ST6GAL2: variants seen among roughly 807,000 people sequenced by gnomAD.
ST6GAL2 encodes ST6 beta-galactoside alpha-2,6-sialyltransferase 2.
ST6GAL2 carries 24 observed loss-of-function variants against 37.5 expected under a neutral mutation model. The ratio of observed to expected loss-of-function variants is 0.64; its 90% CI spans 0.46 to 0.90. The LOEUF (loss-of-function observed/expected upper bound fraction) is 0.90. Among genes scored for constraint, ST6GAL2 ranks in the 40% least tolerant of loss-of-function variants. ST6GAL2 has a pLI of 0.00. For synonymous variants in ST6GAL2, 306 were observed against 295.1 expected (o/e 1.04, Z -0.38); for missense variants, 715 against 712.7 (o/e 1.00, Z -0.04).
rs1200552930 is a variant in ST6GAL2 at position 106,802,179 on chromosome 2, T to G, written c.*4499A>C. Reference sequence around the variant, plus strand: ...GAAGCGGTTGGCGGAGGACTGAATTTTTTTTCTTTTAACAGAAGGACATAT... The same window carrying G: ...GAAGCGGTTGGCGGAGGACTGAATTGTTTTTCTTTTAACAGAAGGACATAT... On this transcript the variant is annotated 3_prime_UTR_variant, in exon 6 of 6. Transcript: ENST00000409382. 3.3e-5 allele frequency: 5 copies of G among 152,142 alleles called. No individual in the cohort carries two copies. The highest frequency in any genetic ancestry group is 7.3e-5 in the Non-Finnish European group (5 of 68,032). The allele number at this position is 152,142 out of a possible 1,614,324, so 9.4% of individuals were successfully genotyped here. A position where few individuals can be genotyped will look rare whatever the true frequency, so the allele number is the denominator to read the frequency against.
At chr2:106,886,046 G>A (rs78342971) in intron 1 of ST6GAL2, 47 bp downstream of exon 1, 17,388 of 152,234 alleles carry the variant, frequency 0.11, 1,202 homozygotes, top group African/African-American at 0.15. Flanking sequence ...AGGCTGCAGC[G>A]CCACCAAGAA....
chr2:106,840,711 G>A (rs1676842510), intron 2 of ST6GAL2, among the ~76,000 whole-genome samples: 1 of 152,138 alleles, frequency 6.6e-6, no homozygotes, highest in Admixed American at 6.5e-5. Flanking sequence ...GGACTTCTCA[G>A]CGTCTTTCAC....
chr2:106,822,736 G>A (rs1676050878), intron 5 of ST6GAL2, among the ~76,000 whole-genome samples: 1 of 152,092 alleles, frequency 6.6e-6, no homozygotes, highest in South Asian at 2.1e-4. Context: ...CAAAACTGGG[G>A]AAATCACATG....
chr2:106,820,055 GAAGA>G (rs557321487), intron 5 of ST6GAL2, among the ~76,000 whole-genome samples: 17 of 151,906 alleles, frequency 1.1e-4, no homozygotes, highest in African/African-American at 3.4e-4. Flanking sequence ...AGGAAGGAAA[GAAGA>G]AAGAGGAGAC....
chr2:106,852,877 T>G (rs182383359), intron 1 of ST6GAL2, among the ~76,000 whole-genome samples: 4 of 152,350 alleles, frequency 2.6e-5, no homozygotes, highest in Admixed American at 2.0e-4. Context: ...TGTGCTGTGC[T>G]GGGCACTGTA....
intron 1 of ST6GAL2, among the ~76,000 whole-genome samples, chr2:106,848,047 T>C (rs1166876085): frequency 2.7e-5 from 4 of 150,788 alleles, no homozygotes; most frequent in Admixed American, 6.6e-5. Flanking sequence ...CTCTTTCTTT[T>C]TTTTTTTTTT....
chr2:106,819,435 G>A (rs757036055), intron 5 of ST6GAL2, among the ~76,000 whole-genome samples: 1 of 152,026 alleles, frequency 6.6e-6, no homozygotes, highest in Admixed American at 6.6e-5. Context: ...TTACAGGCCA[G>A]GAGAGAGTGG....
rs1032769723 is a variant in ST6GAL2 at position 106,806,788 on chromosome 2, G to A, written c.1480C>T (p.Arg494Cys). 12 of 1,614,012 alleles carry A rather than the reference G, an allele frequency of 7.4e-6. No individual in the cohort carries two copies. The highest frequency in any genetic ancestry group is 1.7e-5 in the Admixed American group (1 of 60,002). ...TCCCCCTGCGTGCCCATGTTCAGGC[G>A]CTGCACCAGGAGCTTCTCATAGAGT... Reference protein sequence around the residue: ...PLLYEKLLVQRLNMGTQGDLH... With the variant: ...PLLYEKLLVQCLNMGTQGDLH... The change falls in exon 6 of 6, where the codon CGC becomes TGC. Residue 494 changes from arginine to cysteine, a missense_variant. Arg to Cys is a radical substitution (Grantham distance 180). Around this residue, in one of 3 missense-constraint regions of ST6GAL2, gnomAD observed 198 missense variants for 203.6 expected, o/e 0.97. Transcript: ENST00000409382.
rs373072557 is a variant in ST6GAL2 at position 106,813,746 on chromosome 2, G to A, written c.1319-6797C>T. Among the ~76,000 whole-genome samples, 19 of 152,234 alleles carry A rather than the reference G, an allele frequency of 1.2e-4. No individual in the cohort carries two copies. In the East Asian group the frequency reaches 3.1e-3, roughly 25 times the overall value. ...GGATATAAAACAGAACATAATACAA[G>A]TAACAGGAAAACTACCAGTTTAAAT... On this transcript the variant is annotated intron_variant, in intron 5 of 5. Transcript: ENST00000409382.
chr2:106,860,069 C>T (rs929264221), intron 1 of ST6GAL2, among the ~76,000 whole-genome samples: 2 of 152,066 alleles, frequency 1.3e-5, no homozygotes, highest in African/African-American at 4.8e-5. Flanking sequence ...CTCTAGAACC[C>T]GGCTTGGCTT....
intron 2 of ST6GAL2, among the ~76,000 whole-genome samples, chr2:106,836,773 CA>C (rs70956213): frequency 0.51 from 36,125 of 70,344 alleles, 6,889 homozygotes; most frequent in Non-Finnish European, 0.57. Flanking sequence ...ACTAAAAATA[CA>C]AAAAAAAAAA....
rs114477467 is a variant in ST6GAL2, at chr2:106,845,698, A to G, written c.-57-1664T>C. The stretch of plus-strand genomic sequence containing the variant: ...GTGGGAAAGGACGTGCTAAACTAAG[A>G]AAACTACATTCCTTTTGTGGCTCTA... On this transcript the variant is annotated intron_variant, in intron 1 of 5. Transcript: ENST00000409382. Among the ~76,000 whole-genome samples the G allele has an allele frequency of 1.6e-3, 250 of 152,314 alleles. 2 individuals are homozygous for G. The highest frequency in any genetic ancestry group is 5.8e-3 in the African/African-American group (241 of 41,556).
chr2:106,837,626 GGAAGTGT>G (rs1276117358), intron 2 of ST6GAL2, among the ~76,000 whole-genome samples: 1 of 152,164 alleles, frequency 6.6e-6, no homozygotes, highest in Non-Finnish European at 1.5e-5. Flanking sequence ...AAGCCAGAGA[GGAAGTGT>G]GATGCCAGCA....
chr2:106,810,430 C>T (rs1675560991), intron 5 of ST6GAL2, among the ~76,000 whole-genome samples: 1 of 152,192 alleles, frequency 6.6e-6, no homozygotes, highest in Admixed American at 6.5e-5. Context: ...CACAGTTCTT[C>T]CTGATCTTTG....
At chr2:106,848,730 TAAATAATTCAAAATTA>T (rs1677242823) in intron 1 of ST6GAL2, among the ~76,000 whole-genome samples, 1 of 152,200 alleles carries the variant, frequency 6.6e-6, no homozygotes, top group African/African-American at 2.4e-5. Context: ...GATGTAAAAT[TAAATAATTCAAAATTA>T]AAATAATTCA....
At chr2:106,848,613 C>T (rs2377688) in intron 1 of ST6GAL2, among the ~76,000 whole-genome samples, 2 of 152,062 alleles carry the variant, frequency 1.3e-5, no homozygotes, top group African/African-American at 4.8e-5. Flanking sequence ...AGTGCCCCCC[C>T]ACACCAGATA....
chr2:106,836,948 A>G (rs1004359524), intron 2 of ST6GAL2, among the ~76,000 whole-genome samples: 20 of 150,162 alleles, frequency 1.3e-4, no homozygotes, highest in African/African-American at 4.9e-4. Flanking sequence ...CCATCTCAAA[A>G]AAAAAAAAAA....
chr2:106,883,538 C>T (rs1352805687), intron 1 of ST6GAL2, among the ~76,000 whole-genome samples: 2 of 152,014 alleles, frequency 1.3e-5, no homozygotes, highest in East Asian at 3.9e-4. Context: ...TAATTATATG[C>T]AATTGTTACT....
chr2:106,830,109 A>C lies in ST6GAL2; in HGVS notation c.1275T>G (p.Thr425=), dbSNP rs937420569. 6.2e-7 allele frequency: 1 copy of C among 1,614,058 alleles called. No individual in the cohort carries two copies. Among genetic ancestry groups the C allele is most frequent in the African/African-American group, 1.3e-5 (1 of 75,022 alleles). ...WQLWDIIQEN[T]KEKIQPNPPS... is the part of the protein sequence containing the mutation. ...GTGGGTTTGGTTGAATCTTCTCTTT[A>C]GTGTTCTCCTGGATAATATCCCAGA... The change falls in exon 5 of 6, where the codon ACT becomes ACG. Residue 425 remains threonine, a synonymous_variant. Coordinates refer to ENST00000409382, the MANE Select transcript of ST6GAL2 (RefSeq NM_001142351.2).
Sources: gnomAD v4.1 joint callset for allele counts (sites outside exome capture counted in the v4.1 genomes callset) on GRCh38, gnomAD v4.1.1 for gene constraint, gnomAD v4.1.1 regional missense constraint, MANE v1.5 for transcripts, NCBI Gene and HGNC (gene_info 2026-07-23, HGNC 2026-07-21) for gene names.